Variants in PLA2G4C observed in about 807,000 individuals in gnomAD.
PLA2G4C encodes cytosolic phospholipase A2 gamma.
Under a neutral mutation model 73.8 loss-of-function variants are expected in PLA2G4C, and 64 were observed. That is an observed-to-expected ratio of 0.87 (90% CI 0.71 to 1.07). PLA2G4C has a LOEUF of 1.07. PLA2G4C is among the 50% of genes least tolerant of loss of function. PLA2G4C has a pLI of 0.00. For synonymous variants in PLA2G4C, 254 were observed against 252.1 expected (o/e 1.01, Z -0.07); for missense variants, 622 against 665.4 (o/e 0.93, Z 0.72).
intron 13 of PLA2G4C, among the ~76,000 whole-genome samples, chr19:48,066,113 G>A (rs538653532): frequency 2.6e-4 from 39 of 151,120 alleles, no homozygotes; most frequent in Non-Finnish European, 5.0e-4. Flanking sequence ...AATTTGTGTT[G>A]ACATGACTGC....
In PLA2G4C at chr19:48,099,830, A is replaced by G; in HGVS notation, c.288T>C (p.Gly96=). 6.2e-7 allele frequency: 1 copy of G among 1,613,716 alleles called. No individual in the cohort carries two copies. The highest frequency in any genetic ancestry group is 8.5e-7 in the Non-Finnish European group (1 of 1,179,736). The change falls in exon 5 of 17, where the codon GGT becomes GGC. Residue 96 remains glycine, a synonymous_variant. Transcript: ENST00000599921. The part of the protein sequence containing the change: ...WAISSLYTND[G]DMEALEADLK... The stretch of plus-strand genomic sequence containing the variant: ...GGTCAGCCTCGAGAGCTTCCATGTC[A>G]CCATCATTGGTGTAGAGAGAAGATA...
At chr19:48,098,011 T>A in intron 6 of PLA2G4C, 128 bp downstream of exon 6, 1 of 1,024,646 alleles carries the variant, frequency 9.8e-7, no homozygotes, top group East Asian at 2.5e-5. Flanking sequence ...GAGCACCCTG[T>A]TTTCTGCAAT....
chr19:48,064,477 C>T (rs1020662073), intron 13 of PLA2G4C, among the ~76,000 whole-genome samples: 2 of 149,936 alleles, frequency 1.3e-5, no homozygotes, highest in Non-Finnish European at 3.0e-5. Flanking sequence ...TTTACAAGAA[C>T]TTATATTATT....
chr19:48,063,749 T>C (rs2122493679), intron 13 of PLA2G4C: 1 of 151,324 alleles, frequency 6.6e-6, no homozygotes, highest in Admixed American at 6.6e-5. Flanking sequence ...CTTTGGGGAT[T>C]TAAGGAAAGC....
chr19:48,050,279 C>T (rs1053076328), intron 16 of PLA2G4C, among the ~76,000 whole-genome samples: 3 of 152,128 alleles, frequency 2.0e-5, no homozygotes, highest in Admixed American at 6.5e-5. Context: ...CATTAGAAGA[C>T]AGATGAGCAG....
At chr19:48,057,483 CTTTTTTTTTTTTTT>C (rs1171271257) in intron 14 of PLA2G4C, among the ~76,000 whole-genome samples, 10 of 17,926 alleles carry the variant, frequency 5.6e-4, no homozygotes, top group African/African-American at 1.6e-3. Context: ...TCTTCTTCTT[CTTTTTTTTTTTTTT>C]TTTTTTTTTT....
chr19:48,081,885 A>G (rs1278341099), intron 10 of PLA2G4C, among the ~76,000 whole-genome samples: 1 of 152,134 alleles, frequency 6.6e-6, no homozygotes, highest in African/African-American at 2.4e-5. Flanking sequence ...GTTCGAGACC[A>G]GCCTGACCAA....
At chr19:48,053,237 C>T (rs1967792927) in intron 15 of PLA2G4C, 90 bp from the exon 16 acceptor site, 3 of 994,616 alleles carry the variant, frequency 3.0e-6, no homozygotes, top group East Asian at 5.0e-5. Context: ...CAGGGCTTGG[C>T]AAACTACAGT....
chr19:48,109,165 C>T (rs554177521), intron 1 of PLA2G4C, among the ~76,000 whole-genome samples: 9 of 145,044 alleles, frequency 6.2e-5, no homozygotes, highest in Non-Finnish European at 1.4e-4. Context: ...GTTTCAAGAC[C>T]CCCCTTATGA....
Position 48,053,060 on chromosome 19 carries a change from A to T in PLA2G4C, c.1517T>A (p.Leu506Ter). Residue 506 changes from leucine (L) to a stop codon, truncating the protein, a stop_gained, in exon 16 of 17, where the codon TTA (leucine) becomes TAA (stop). Transcript: ENST00000599921. LOFTEE classifies it high-confidence loss of function. ...GTTTTCCCTGACATTCTTCTTGGCTAATGCCAAGAGTAGCACCACCACATC... is the reference window on the plus strand; with the variant it reads ...GTTTTCCCTGACATTCTTCTTGGCTTATGCCAAGAGTAGCACCACCACATC... Reference protein sequence around the residue: ...TLDVVVLLLALAKKNVRENKK... With the variant: ...TLDVVVLLLA The T allele has an allele frequency of 7.4e-6, 12 of 1,612,232 alleles. No individual in the cohort carries two copies. Among genetic ancestry groups the T allele is most frequent in the Non-Finnish European group, 1.0e-5 (12 of 1,178,334 alleles).
Position 48,053,225 on chromosome 19 carries a change from A to G in PLA2G4C, c.1430-78T>C, listed in dbSNP as rs764932307. ...ATTCTGCAGATTTTTGTCTATTTAC[A>G]TCAGGGCTTGGCAAACTACAGTTGT... On this transcript the variant is annotated intron_variant, in intron 15 of 16. Transcript: ENST00000599921. The G allele has an allele frequency of 1.4e-5, 17 of 1,198,254 alleles. 1 individual carries two copies. Among genetic ancestry groups the G allele is most frequent in the Non-Finnish European group, 2.0e-5 (17 of 854,810 alleles). The allele number at this position is 1,198,254 out of a possible 1,614,324, so 74.2% of individuals were successfully genotyped here.
At chr19:48,062,724 G>A (rs753694343) in intron 13 of PLA2G4C, among the ~76,000 whole-genome samples, 1 of 152,146 alleles carries the variant, frequency 6.6e-6, no homozygotes, top group African/African-American at 2.4e-5. Context: ...GGTAAAATGG[G>A]GTTTTTGGCG....
chr19:48,110,479 C>A lies in PLA2G4C; in HGVS notation c.-33+8G>T, dbSNP rs2032439967. On this transcript the variant is annotated splice_region_variant and intron_variant, in intron 1 of 16. Transcript: ENST00000599921. ...GATGAAACAGCCCTCCCTGCCCCCA[C>A]GGCTTGCCTGAGCCTGGGTCTGGGG... 6.9e-7 allele frequency: 1 copy of A among 1,451,296 alleles called. No individual in the cohort carries two copies. The highest frequency in any genetic ancestry group is 9.0e-7 in the Non-Finnish European group (1 of 1,113,758). 89.9% of individuals were successfully genotyped at this position (1,451,296 alleles called of 1,614,324 possible). A position where few individuals can be genotyped will look rare whatever the true frequency, so the allele number is the denominator to read the frequency against.
intron 12 of PLA2G4C, among the ~76,000 whole-genome samples, chr19:48,070,024 C>A (rs1460997909): frequency 1.3e-5 from 2 of 152,016 alleles, no homozygotes; most frequent in African/African-American, 4.8e-5. Flanking sequence ...CCCACTTCGG[C>A]CTCCCAAAGT....
intron 12 of PLA2G4C, among the ~76,000 whole-genome samples, chr19:48,070,501 CATCAATGGTAG>C (rs1394796504): frequency 6.6e-6 from 1 of 152,174 alleles, no homozygotes; most frequent in Non-Finnish European, 1.5e-5. Context: ...CAAATATACC[CATCAATGGTAG>C]ACTGGATAAG....
chr19:48,055,187 G>A (rs1967890764), intron 14 of PLA2G4C, 138 bp from the exon 15 acceptor site: 10 of 729,378 alleles, frequency 1.4e-5, no homozygotes, highest in Non-Finnish European at 1.8e-5. Flanking sequence ...CTTGGACAGG[G>A]ACAACATCTT....
At chr19:48,058,136 T>C (rs983040710) in intron 14 of PLA2G4C, among the ~76,000 whole-genome samples, 1 of 151,480 alleles carries the variant, frequency 6.6e-6, no homozygotes, top group Non-Finnish European at 1.5e-5. Context: ...CCATCTCTAC[T>C]AAAAATACAA....
intron 1 of PLA2G4C, among the ~76,000 whole-genome samples, chr19:48,107,466 A>AAG (rs113591649): frequency 0.15 from 23,539 of 152,138 alleles, 2,082 homozygotes; most frequent in African/African-American, 0.24. Context: ...ACCAGAAGAC[A>AAG]AGTGTGAGCC....
intron 7 of PLA2G4C, among the ~76,000 whole-genome samples, chr19:48,093,605 G>A (rs1049518697): frequency 6.6e-6 from 1 of 152,152 alleles, no homozygotes; most frequent in African/African-American, 2.4e-5. Flanking sequence ...CATATGATCT[G>A]GACCCTGCCT....
Sources: allele counts gnomAD v4.1 joint callset (sites outside exome capture counted in the v4.1 genomes callset), GRCh38; gene constraint gnomAD v4.1.1; transcripts MANE v1.5; gene names NCBI Gene and HGNC (gene_info 2026-07-23, HGNC 2026-07-21).